Variants in GNA12 observed in about 807,000 individuals in gnomAD.
GNA12 encodes G protein subunit alpha 12.
GNA12 carries 9 observed loss-of-function variants against 26.0 expected under a neutral mutation model. The ratio of observed to expected loss-of-function variants is 0.35; its 90% confidence interval spans 0.21 to 0.60. GNA12 has a LOEUF of 0.60. GNA12 is among the 20% of genes least tolerant of loss of function. The pLI, the probability that GNA12 is intolerant of heterozygous loss-of-function variation, is 0.78. For missense variants in GNA12, 405 were observed against 525.8 expected (o/e 0.77, Z 2.25); for synonymous variants, 264 against 219.6 (o/e 1.20, Z -1.79).
At chr7:2,800,774 G>T (rs1260971664) in intron 1 of GNA12, among the ~76,000 whole-genome samples, 1 of 152,130 alleles carries the variant, frequency 6.6e-6, no homozygotes, top group Non-Finnish European at 1.5e-5. Flanking sequence ...TGGTGGACTG[G>T]AATCTACCTA....
At chr7:2,800,748 T>C (rs1451731475) in intron 1 of GNA12, among the ~76,000 whole-genome samples, 2 of 152,108 alleles carry the variant, frequency 1.3e-5, no homozygotes, top group Admixed American at 1.3e-4. Context: ...GGTGGGTTCA[T>C]CTGAGCGAGT....
intron 1 of GNA12, among the ~76,000 whole-genome samples, chr7:2,817,368 C>CT (rs1793242077): frequency 6.6e-6 from 1 of 152,218 alleles, no homozygotes; most frequent in East Asian, 1.9e-4. Context: ...CTGCCTCGGC[C>CT]TCCCAAAGTG....
In GNA12 at chr7:2,802,743, A is replaced by C. The variant is rs907803524; in HGVS notation, c.310-7600T>G. Among the ~76,000 whole-genome samples the C allele has an allele frequency of 4.6e-5, 7 of 152,232 alleles. No homozygotes were observed. The East Asian group carries it at 1.2e-3, about 25-fold the overall frequency. On this transcript the variant is annotated intron_variant, in intron 1 of 3. Coordinates refer to ENST00000275364, the MANE Select transcript of GNA12 (RefSeq NM_007353.3). Reference sequence around the variant, plus strand: ...CTTTGGCCACCATCCAAATAAAAGAAACGCTGCCAGAAGTGTAAACAGGAT... The same window carrying C: ...CTTTGGCCACCATCCAAATAAAAGACACGCTGCCAGAAGTGTAAACAGGAT...
chr7:2,815,225 G>C (rs1269868240), intron 1 of GNA12: 1 of 345,882 alleles, frequency 2.9e-6, no homozygotes, highest in Non-Finnish European at 5.4e-6. Context: ...GAGGAAGCCA[G>C]TCAGCGGACC....
rs1181772729 is a variant in GNA12 at position 2,731,340 on chromosome 7, G to A, written c.987C>T (p.Arg329=). The A allele has an allele frequency of 3.1e-6, 5 of 1,613,948 alleles. No individual in the cohort carries two copies. Among genetic ancestry groups the A allele is most frequent in the Non-Finnish European group, 2.5e-6 (3 of 1,179,972 alleles). The change falls in exon 4 of 4, where the codon CGC becomes CGT. Residue 329 remains arginine, a synonymous_variant. Transcript: ENST00000275364. The surrounding 1 kb of genome is among the most constrained non-coding windows in gnomAD (Gnocchi z 6.0). The part of the protein sequence containing the change: ...GDPHRLEDVQ[R]YLVQCFDRKR... ...TCCTGTCGAAGCACTGGACCAGGTA[G>A]CGCTGGACGTCCTCCAGCCTGTGCG...
intron 1 of GNA12, among the ~76,000 whole-genome samples, chr7:2,831,003 G>T (rs1793593328): frequency 6.6e-6 from 1 of 151,910 alleles, no homozygotes; most frequent in Non-Finnish European, 1.5e-5. Flanking sequence ...AGGTATCAAG[G>T]TATCATTCCT....
chr7:2,802,324 A>G (rs558279296), intron 1 of GNA12, among the ~76,000 whole-genome samples: 3 of 141,594 alleles, frequency 2.1e-5, no homozygotes, highest in Admixed American at 1.6e-4. Flanking sequence ...AAGACAACTT[A>G]TAAATCCAGC....
rs545215773 is a variant in GNA12, at chr7:2,749,972, G to C, written c.526-16471C>G. Among the ~76,000 whole-genome samples, 9 of 152,276 alleles carry C rather than the reference G, an allele frequency of 5.9e-5. No homozygotes were observed. The South Asian group carries it at 1.9e-3, about 32-fold the overall frequency. ...CTCACAGAAGAGAACAAAGAGAGTG[G>C]GGCAGAGAATGTTTTTAGAAGCAGA... On this transcript the variant is annotated intron_variant, in intron 2 of 3. Coordinates refer to ENST00000275364, the MANE Select transcript of GNA12 (RefSeq NM_007353.3).
In GNA12 at chr7:2,837,674, G is replaced by A. The variant is rs527963054; in HGVS notation, c.309+6179C>T. Among the ~76,000 whole-genome samples, 263 of 152,218 alleles carry A rather than the reference G, an allele frequency of 1.7e-3. 6 individuals carry two copies. The South Asian group carries it at 0.041, about 24-fold the overall frequency. ...TGAAACAATGTGAAGGTATCCTTCA[G>A]GAATGAAGAGGAAATACAGGCATTC... On this transcript the variant is annotated intron_variant, in intron 1 of 3. Transcript: ENST00000275364.
intron 1 of GNA12, among the ~76,000 whole-genome samples, chr7:2,838,805 GA>G (rs987112256): frequency 8.5e-5 from 13 of 152,086 alleles, no homozygotes; most frequent in African/African-American, 2.4e-4. Context: ...AAAAAAGAAG[GA>G]CATTACATAA....
intron 1 of GNA12, among the ~76,000 whole-genome samples, chr7:2,829,168 G>A (rs1032288608): frequency 2.0e-5 from 3 of 152,084 alleles, no homozygotes; most frequent in Non-Finnish European, 2.9e-5. Context: ...CCAGCTATTC[G>A]TACAAAAGGC....
At chr7:2,815,227 C>T (rs1390567741) in intron 1 of GNA12, 1 of 342,728 alleles carries the variant, frequency 2.9e-6, no homozygotes, top group Non-Finnish European at 5.5e-6. Flanking sequence ...GGAAGCCAGT[C>T]AGCGGACCTA....
At chr7:2,762,705 G>C in intron 2 of GNA12, 1 of 1,569,162 alleles carries the variant, frequency 6.4e-7, no homozygotes, top group South Asian at 1.2e-5. Flanking sequence ...GGGTGGAGGA[G>C]CGCCAGAGGG....
intron 1 of GNA12, among the ~76,000 whole-genome samples, chr7:2,820,189 G>A (rs1276534683): frequency 1.3e-5 from 2 of 152,166 alleles, no homozygotes; most frequent in Non-Finnish European, 2.9e-5. Flanking sequence ...AGAAATCCAC[G>A]GTGTCGAAAG....
intron 1 of GNA12, among the ~76,000 whole-genome samples, chr7:2,838,040 T>C (rs1778889067): frequency 6.6e-6 from 1 of 151,920 alleles, no homozygotes; most frequent in Non-Finnish European, 1.5e-5. Context: ...GTTTCTACAC[T>C]TAAAGCTGTA....
At chr7:2,766,365 T>C (rs111685117) in intron 2 of GNA12, among the ~76,000 whole-genome samples, 1,677 of 151,366 alleles carry the variant, frequency 0.011, 40 homozygotes, top group African/African-American at 0.038. Context: ...CATCCATTGA[T>C]GAACATTTGG....
intron 2 of GNA12, among the ~76,000 whole-genome samples, chr7:2,770,286 T>A (rs1362025362): frequency 6.6e-6 from 1 of 152,232 alleles, no homozygotes; most frequent in African/African-American, 2.4e-5. Flanking sequence ...TCTTGTTTTA[T>A]TTATAAACAT....
intron 2 of GNA12, among the ~76,000 whole-genome samples, chr7:2,746,608 A>C (rs189318608): frequency 6.6e-6 from 1 of 152,330 alleles, no homozygotes; most frequent in East Asian, 1.9e-4. Context: ...AACTAAAAGA[A>C]CTAGAAAAGC....
At chr7:2,843,079 C>T (rs1292187208) in intron 1 of GNA12, among the ~76,000 whole-genome samples, 2 of 152,154 alleles carry the variant, frequency 1.3e-5, no homozygotes, top group Non-Finnish European at 2.9e-5. Flanking sequence ...TTGAGACCAG[C>T]CTGGGCAAGA....
Sources: gnomAD v4.1 joint callset for allele counts (sites outside exome capture counted in the v4.1 genomes callset) on GRCh38, gnomAD v4.1.1 for gene constraint, Gnocchi (gnomAD v3.1) non-coding constraint, MANE v1.5 for transcripts, NCBI Gene and HGNC (gene_info 2026-07-23, HGNC 2026-07-21) for gene names.